The following EML5 variants were observed in gnomAD, a reference collection of about 807,000 sequenced individuals.
EML5 encodes the protein echinoderm microtubule-associated protein-like 5.
A neutral mutation model predicts 250.0 loss-of-function variants in EML5; 120 were observed. The observed-to-expected ratio is 0.48, with a 90% CI of 0.41 to 0.56. The LOEUF (loss-of-function observed/expected upper bound fraction) is 0.56, where lower values mean the gene tolerates loss of function less well. Ranked by LOEUF, EML5 falls within the 20% of genes least tolerant of loss-of-function variation. The probability of loss-of-function intolerance (pLI) is 0.00; values close to 1 mark genes in which losing one functional copy is unlikely to be tolerated. For missense variants in EML5, 2,006 were observed against 2,437.6 expected, an observed-to-expected ratio of 0.82 and a Z score of 3.73; for synonymous variants, 771 against 806.5, an observed-to-expected ratio of 0.96 and a Z score of 0.75.
At chr14:88,698,982 T>C (rs1282364747) in intron 14 of EML5, among the ~76,000 whole-genome samples, 1 of 152,176 alleles carries the variant, frequency 6.6e-6, no homozygotes, top group Admixed American at 6.5e-5. Flanking sequence ...GTTAGGTAAT[T>C]TGCCAGTAGC....
intron 13 of EML5, among the ~76,000 whole-genome samples, chr14:88,703,637 T>C (rs1227306915): frequency 2.0e-5 from 3 of 152,204 alleles, no homozygotes; most frequent in African/African-American, 7.2e-5. Context: ...TCTTGATAAG[T>C]ATTATCAGTC....
At chr14:88,771,197 C>A (rs2094389610) in intron 1 of EML5, among the ~76,000 whole-genome samples, 1 of 152,188 alleles carries the variant, frequency 6.6e-6, no homozygotes, top group African/African-American at 2.4e-5. Context: ...GGTAAATGTG[C>A]ATCCTTTTCT....
chr14:88,621,723 A>G, intron 37 of EML5: 2 of 296,906 alleles, frequency 6.7e-6, no homozygotes, highest in South Asian at 6.5e-5. Context: ...ATTTATAAAT[A>G]CACTTAATAA....
In EML5 at chr14:88,665,408, G is replaced by C. The variant is rs201840869; in HGVS notation, c.3206C>G (p.Ala1069Gly). Residue 1069 changes from alanine (A) to glycine (G), a missense_variant, in exon 22 of 44, where the codon GCG (alanine) becomes GGG (glycine). Coordinates refer to ENST00000554922, the MANE Select transcript of EML5 (RefSeq NM_183387.3). The part of the protein sequence containing the change: ...LNDGSFLMAN[A>G]DTLEDLVSFH... ...AGACACAAGATCCTCTAGAGTATCCGCATTTGCCATTAAGAAGCTTCCATC... is the reference window on the plus strand; with the variant it reads ...AGACACAAGATCCTCTAGAGTATCCCCATTTGCCATTAAGAAGCTTCCATC... 1 of 1,613,886 alleles carries C rather than the reference G, an allele frequency of 6.2e-7. No homozygotes were observed. Among genetic ancestry groups the C allele is most frequent in the Admixed American group, 1.7e-5 (1 of 59,990 alleles).
intron 33 of EML5, among the ~76,000 whole-genome samples, chr14:88,632,175 C>T (rs1046893342): frequency 6.6e-5 from 10 of 152,188 alleles, no homozygotes; most frequent in Non-Finnish European, 5.9e-5. Context: ...CTCACTATGT[C>T]ATACGCCCAT....
chr14:88,712,449 T>G lies in EML5; in HGVS notation c.1479A>C (p.Lys493Asn), dbSNP rs766091132. Residue 493 changes from lysine (K) to asparagine (N), a missense_variant, in exon 10 of 44, where the codon AAA (lysine) becomes AAC (asparagine). Physicochemically the swap from Lys to Asn is moderately conservative, Grantham distance 94. Transcript: ENST00000554922. ...ATGTCCATGAAGCCCAATGAACACCTTTTATTTCTTCTGTACTTGTCACTT... is the reference window on the plus strand; with the variant it reads ...ATGTCCATGAAGCCCAATGAACACCGTTTATTTCTTCTGTACTTGTCACTT... ...GKEVTSTEEI[K>N]GVHWASWTCV... 4.3e-6 allele frequency: 7 copies of G among 1,613,338 alleles called. No homozygotes were observed. Among genetic ancestry groups the G allele is most frequent in the Non-Finnish European group, 5.9e-6 (7 of 1,179,448 alleles).
At chr14:88,707,882 T>G (rs2093344886) in intron 10 of EML5, among the ~76,000 whole-genome samples, 1 of 152,208 alleles carries the variant, frequency 6.6e-6, no homozygotes, top group African/African-American at 2.4e-5. Flanking sequence ...CTACCTTTGA[T>G]GCAACCCTTA....
At chr14:88,726,321 A>G in intron 8 of EML5, among the ~76,000 whole-genome samples, 1 of 152,170 alleles carries the variant, frequency 6.6e-6, no homozygotes, top group East Asian at 1.9e-4. Context: ...CCCCAAACCA[A>G]GGCTTCTGAA....
intron 13 of EML5, among the ~76,000 whole-genome samples, chr14:88,704,540 A>G (rs2093279596): frequency 6.6e-6 from 1 of 152,240 alleles, no homozygotes; most frequent in East Asian, 1.9e-4. Flanking sequence ...TGACTTGTTT[A>G]AAGTCACAAA....
At chr14:88,762,921 A>G (rs1012439401) in intron 1 of EML5, among the ~76,000 whole-genome samples, 5 of 152,180 alleles carry the variant, frequency 3.3e-5, no homozygotes, top group Non-Finnish European at 5.9e-5. Context: ...TACTGGGTAA[A>G]TAACAAAATT....
chr14:88,631,507 G>A (rs1179083187), intron 33 of EML5, among the ~76,000 whole-genome samples: 3 of 152,172 alleles, frequency 2.0e-5, no homozygotes, highest in South Asian at 2.1e-4. Flanking sequence ...GGTGGCTCAC[G>A]CCTGTAATCC....
intron 22 of EML5, among the ~76,000 whole-genome samples, chr14:88,665,055 C>T (rs954157021): frequency 1.3e-5 from 2 of 152,098 alleles, no homozygotes; most frequent in African/African-American, 2.4e-5. Flanking sequence ...AAGAATATAA[C>T]GAAAACAGTT....
chr14:88,664,275 CAAAAAAAAAA>C (rs35920066), intron 23 of EML5, among the ~76,000 whole-genome samples: 14 of 105,702 alleles, frequency 1.3e-4, no homozygotes, highest in Admixed American at 1.1e-3. Context: ...AGACCTGTCT[CAAAAAAAAAA>C]AAAAAGAAAA....
chr14:88,673,196 G>A (rs2092513054), intron 21 of EML5, among the ~76,000 whole-genome samples: 1 of 152,182 alleles, frequency 6.6e-6, no homozygotes, highest in Non-Finnish European at 1.5e-5. Flanking sequence ...CCACGATCAA[G>A]CTGTCTTCAT....
chr14:88,685,831 TTAATTTA>T (rs2092820435), intron 19 of EML5, among the ~76,000 whole-genome samples: 1 of 152,250 alleles, frequency 6.6e-6, no homozygotes, highest in Non-Finnish European at 1.5e-5. Flanking sequence ...TACTGTATTT[TTAATTTA>T]TATTATTTTT....
At chr14:88,629,545 A>G (rs2090307543) in intron 33 of EML5, among the ~76,000 whole-genome samples, 1 of 152,212 alleles carries the variant, frequency 6.6e-6, no homozygotes, top group South Asian at 2.1e-4. Context: ...TATTAAGTAT[A>G]TTATATTTTC....
chr14:88,705,379 G>T, intron 12 of EML5, 103 bp downstream of exon 12: 2 of 885,900 alleles, frequency 2.3e-6, no homozygotes, highest in Non-Finnish European at 3.6e-6. Flanking sequence ...TACATTGCTT[G>T]AGAAATTAAA....
chr14:88,723,571 T>C (rs1476560252), intron 8 of EML5, among the ~76,000 whole-genome samples: 1 of 152,176 alleles, frequency 6.6e-6, no homozygotes, highest in African/African-American at 2.4e-5. Context: ...AGAATATACT[T>C]GAAAATTGCT....
rs1225607482 is a variant in EML5, at chr14:88,712,393, C to A, written c.1535G>T (p.Trp512Leu). 1.2e-6 allele frequency: 2 copies of A among 1,613,572 alleles called. No individual in the cohort carries two copies. Among genetic ancestry groups the A allele is most frequent in the Non-Finnish European group, 8.5e-7 (1 of 1,179,690 alleles). Reference sequence around the variant, plus strand: ...ATCGTTGATATCTGAATACTTGGGCCAAATTCCATTTACTTCAAGGCCTGA... The same window carrying A: ...ATCGTTGATATCTGAATACTTGGGCAAAATTCCATTTACTTCAAGGCCTGA... ...CVSGLEVNGI[W>L]PKYSDINDIN... The change falls in exon 10 of 44, where the codon TGG (tryptophan) becomes TTG (leucine). Residue 512 changes from tryptophan to leucine, a missense_variant. Trp to Leu is a moderately conservative substitution (Grantham distance 61). Around this residue, in one of 7 missense-constraint regions of EML5, gnomAD observed 1,375 missense variants for 1,590.3 expected, o/e 0.86. Coordinates refer to ENST00000554922, the MANE Select transcript of EML5 (RefSeq NM_183387.3).
Sources: allele counts gnomAD v4.1 joint callset (sites outside exome capture counted in the v4.1 genomes callset), GRCh38; gene constraint gnomAD v4.1.1; regional missense constraint gnomAD v4.1.1; transcripts MANE v1.5; gene names NCBI Gene and HGNC (gene_info 2026-07-23, HGNC 2026-07-21).